SRCIN1: variants seen among roughly 807,000 people sequenced by gnomAD.
SRCIN1 encodes SRC kinase signaling inhibitor 1, also known as P130Cas-associated protein.
In SRCIN1, 50 loss-of-function variants were observed where a neutral mutation model predicts 116.2. The ratio of observed to expected loss-of-function variants is 0.43; its 90% confidence interval spans 0.34 to 0.54. The LOEUF is 0.54. Among genes scored for constraint, SRCIN1 ranks in the 20% least tolerant of loss-of-function variants. The pLI is 0.02. For synonymous variants in SRCIN1, 736 were observed against 750.0 expected (o/e 0.98, Z 0.30); for missense variants, 1,446 against 1,672.0 (o/e 0.86, Z 2.36).
chr17:38,564,030 G>A, intron 4 of SRCIN1, 88 bp downstream of exon 4: 2 of 1,429,232 alleles, frequency 1.4e-6, no homozygotes, highest in Non-Finnish European at 1.9e-6. Flanking sequence ...GCGAGCTGGC[G>A]TGCTGTAGGG....
At chr17:38,583,958 G>A (rs535380173) in intron 1 of SRCIN1, among the ~76,000 whole-genome samples, 21 of 152,250 alleles carry the variant, frequency 1.4e-4, no homozygotes, top group African/African-American at 4.6e-4. Flanking sequence ...GCAAGTCCTC[G>A]GAGTGGCCCT....
At chr17:38,574,969 GCCAACCTGT>G in intron 2 of SRCIN1, 1 of 401,062 alleles carries the variant, frequency 2.5e-6, no homozygotes, top group Non-Finnish European at 4.4e-6. Context: ...CGGTCCAGCC[GCCAACCTGT>G]GTGTGCGAAG....
chr17:38,548,395 G>A (rs1205118350), intron 17 of SRCIN1, among the ~76,000 whole-genome samples, 162 bp downstream of exon 17: 4 of 152,194 alleles, frequency 2.6e-5, no homozygotes, highest in East Asian at 1.9e-4. Context: ...ATTTCACAGT[G>A]GAGAAGAAAT....
At chr17:38,559,952 T>C in intron 9 of SRCIN1, 102 bp downstream of exon 9, 1 of 1,361,670 alleles carries the variant, frequency 7.3e-7, no homozygotes, top group Non-Finnish European at 1.0e-6. Flanking sequence ...AAAAGACCTC[T>C]TGGGCTAAGG....
At chr17:38,578,059 T>C (rs1907522763) in intron 2 of SRCIN1, among the ~76,000 whole-genome samples, 2 of 152,062 alleles carry the variant, frequency 1.3e-5, no homozygotes, top group Admixed American at 1.3e-4. Context: ...CCCGACTCTC[T>C]CTTAGAGTCC....
At chr17:38,549,473 G>T (rs1567856358) in intron 15 of SRCIN1, among the ~76,000 whole-genome samples, 1 of 152,168 alleles carries the variant, frequency 6.6e-6, no homozygotes, top group African/African-American at 2.4e-5. Flanking sequence ...GCGCCTGGCA[G>T]CTTGTCAGAA....
upstream of SRCIN1, among the ~76,000 whole-genome samples, chr17:38,606,194 A>G (rs1909362076): frequency 6.6e-6 from 1 of 151,612 alleles, no homozygotes; most frequent in South Asian, 2.1e-4. This position sits in a 1 kb window ranked among gnomAD's most constrained non-coding sequence, Gnocchi z 5.2. Context: ...TCCCACCCCA[A>G]GTAGTCTTCG....
rs1904926777 is a variant in SRCIN1 at position 38,544,084 on chromosome 17, G to A, written c.3271-115C>T. 7.9e-7 allele frequency: 1 copy of A among 1,263,182 alleles called. No homozygotes were observed. Among genetic ancestry groups the A allele is most frequent in the South Asian group, 1.5e-5 (1 of 64,750 alleles). The allele number at this position is 1,263,182 out of a possible 1,614,324, so 78.2% of individuals were successfully genotyped here. ...GGACCTCCTCAGTGGGGCCCTTTGA[G>A]ACCTGGAGACCCCTCTCTAGCTCCA... On this transcript the variant is annotated intron_variant, in intron 17 of 18. Coordinates refer to ENST00000617146, the MANE Select transcript of SRCIN1 (RefSeq NM_025248.3). This position sits in a 1 kb window ranked among gnomAD's most constrained non-coding sequence, Gnocchi z 4.5.
intron 1 of SRCIN1, among the ~76,000 whole-genome samples, chr17:38,580,809 T>C (rs531304410): frequency 2.0e-5 from 3 of 152,250 alleles, no homozygotes; most frequent in African/African-American, 7.2e-5. Context: ...GGGAAGAACA[T>C]TATTTTATGT....
chr17:38,605,643 A>C, intron 1 of SRCIN1, 41 bp downstream of exon 1: 1 of 1,369,786 alleles, frequency 7.3e-7, no homozygotes, highest in Non-Finnish European at 9.5e-7. Context: ...CTTCCACTTA[A>C]GCATGGAGGC....
chr17:38,568,238 A>T lies in SRCIN1; in HGVS notation c.325-7T>A, dbSNP rs769274732. On this transcript the variant is annotated splice_polypyrimidine_tract_variant and splice_region_variant and intron_variant, in intron 2 of 18. Coordinates refer to ENST00000617146, the MANE Select transcript of SRCIN1 (RefSeq NM_025248.3). This position sits in a 1 kb window ranked among gnomAD's most constrained non-coding sequence, Gnocchi z 4.5. ...TGAAACTCCAGTAGTTTGGCTGCTG[A>T]TGGAAATAAGAGAAGAGATGGTTAT... 1.9e-6 allele frequency: 3 copies of T among 1,613,096 alleles called. No individual in the cohort carries two copies. Among genetic ancestry groups the T allele is most frequent in the Admixed American group, 3.3e-5 (2 of 59,922 alleles).
At chr17:38,559,439 G>A (rs1288620882) in intron 10 of SRCIN1, 146 bp downstream of exon 10, 4 of 803,752 alleles carry the variant, frequency 5.0e-6, no homozygotes, top group Non-Finnish European at 7.6e-6. Context: ...GAAAGGGTTC[G>A]GAGAGAGGCC....
chr17:38,557,611 G>A (rs1016220100), intron 11 of SRCIN1, among the ~76,000 whole-genome samples: 5 of 152,254 alleles, frequency 3.3e-5, no homozygotes, highest in Non-Finnish European at 5.9e-5. Flanking sequence ...ACAGCCATTT[G>A]CTAAATTTGG....
intron 1 of SRCIN1, among the ~76,000 whole-genome samples, chr17:38,581,345 G>A (rs1004639990): frequency 1.3e-5 from 2 of 150,324 alleles, no homozygotes; most frequent in Non-Finnish European, 2.9e-5. Flanking sequence ...GGCAGAGGTT[G>A]CAGTGAACGG....
In SRCIN1 at chr17:38,564,307, T is replaced by G; in HGVS notation, c.352A>C (p.Ser118Arg). The change falls in exon 4 of 19, where the codon AGC (serine) becomes CGC (arginine). Residue 118 changes from serine (S) to arginine (R), a missense_variant. By Grantham distance (110) the Ser-to-Arg change is moderately radical. Around this residue, in one of 5 missense-constraint regions of SRCIN1, gnomAD observed 246 missense variants for 265.1 expected, o/e 0.93. Transcript: ENST00000617146. Reference sequence around the variant, plus strand: ...TGGGCTCCCTGAGTGTGGCGTGAGCTGCGGGTCTGCAGGGGCCGGGCAGGG... The same window carrying G: ...TGGGCTCCCTGAGTGTGGCGTGAGCGGCGGGTCTGCAGGGGCCGGGCAGGG... ...QPNYWSFKTR[S>R]SRHTQGAQPG... The G allele has an allele frequency of 6.4e-7, 1 of 1,552,624 alleles. No individual in the cohort carries two copies. Among genetic ancestry groups the G allele is most frequent in the Non-Finnish European group, 8.7e-7 (1 of 1,153,862 alleles).
intron 1 of SRCIN1, among the ~76,000 whole-genome samples, chr17:38,582,244 C>T (rs547002551): frequency 6.6e-6 from 1 of 152,300 alleles, no homozygotes; most frequent in South Asian, 2.1e-4. Flanking sequence ...GCACCTCCTT[C>T]CCTACCTCCT....
chr17:38,541,003 G>C (rs555506378), intron 18 of SRCIN1, among the ~76,000 whole-genome samples: 2 of 152,106 alleles, frequency 1.3e-5, no homozygotes, highest in African/African-American at 4.8e-5. Flanking sequence ...AGTTTGGAAG[G>C]CTGAGGCGGG....
At position 38,551,907 on chromosome 17, in the gene SRCIN1, C is replaced by T. The variant is rs1287435963; in HGVS notation, c.2706G>A (p.Val902=). The T allele has an allele frequency of 6.2e-7, 1 of 1,613,870 alleles. No individual in the cohort carries two copies. The highest frequency in any genetic ancestry group is 1.3e-5 in the African/African-American group (1 of 74,952). The change falls in exon 14 of 19, where the codon GTG becomes GTA. Residue 902 remains valine, a synonymous_variant. Coordinates refer to ENST00000617146, the MANE Select transcript of SRCIN1 (RefSeq NM_025248.3). ...GCACCTCAACAGACACAGCTTTGTC[C>T]ACGCTTCTCTTGCCAGGAGTGTCCA... ...KGLDTPGKRS[V]DKAVSVEAAE...
rs1160514748 is a variant in SRCIN1 at position 38,531,612 on chromosome 17, CTT to C, written c.*1683_*1684del. 1 of 100,298 alleles carries C rather than the reference CTT, an allele frequency of 1.0e-5. No homozygotes were observed. Among genetic ancestry groups the C allele is most frequent in the Non-Finnish European group, 2.1e-5 (1 of 47,888 alleles). 6.2% of individuals were successfully genotyped at this position (100,298 alleles called of 1,614,324 possible). A position where few individuals can be genotyped will look rare whatever the true frequency, so the allele number is the denominator to read the frequency against. ...TTCCAGGAGGGATTTTTTTTTTCCT[CTT>C]TTGTTATTTTTCAAAAAGGCTTGCT... is the stretch of plus-strand genomic sequence containing the variant. On this transcript the variant is annotated 3_prime_UTR_variant, in exon 19 of 19. Transcript: ENST00000617146.
Sources: allele counts gnomAD v4.1 joint callset (sites outside exome capture counted in the v4.1 genomes callset), GRCh38; gene constraint gnomAD v4.1.1; regional missense constraint gnomAD v4.1.1; non-coding constraint Gnocchi (gnomAD v3.1); transcripts MANE v1.5; gene names NCBI Gene and HGNC (gene_info 2026-07-23, HGNC 2026-07-21).